The following CNTN4 variants were observed in gnomAD, a reference collection of about 807,000 sequenced individuals.
CNTN4 encodes contactin-4.
A neutral mutation model predicts 122.5 loss-of-function variants in CNTN4; 77 were observed. The ratio of observed to expected loss-of-function variants is 0.63; its 90% CI spans 0.52 to 0.76. The LOEUF is 0.76. Among genes scored for constraint, CNTN4 ranks in the 30% least tolerant of loss-of-function variants. The pLI is 0.00. For missense variants in CNTN4, 1,256 were observed against 1,259.1 expected (o/e 1.00, Z 0.04); for synonymous variants, 512 against 447.0 (o/e 1.15, Z -1.83).
chr3:2,660,541 A>C (rs1302972854), intron 4 of CNTN4, among the ~76,000 whole-genome samples: 1 of 152,210 alleles, frequency 6.6e-6, no homozygotes, highest in Non-Finnish European at 1.5e-5. Context: ...CCTGCCATTA[A>C]TTGGCATATG....
At chr3:2,751,963 C>T (rs1211099506) in intron 6 of CNTN4, among the ~76,000 whole-genome samples, 1 of 152,022 alleles carries the variant, frequency 6.6e-6, no homozygotes, top group African/African-American at 2.4e-5. Context: ...GTCTCTAGAA[C>T]TCCAGCTTCT....
chr3:2,319,617 T>C (rs141888335), intron 2 of CNTN4, among the ~76,000 whole-genome samples: 41 of 152,320 alleles, frequency 2.7e-4, no homozygotes, highest in African/African-American at 9.6e-4. Flanking sequence ...CTCTTTCTTA[T>C]GATTTTCTTA....
At chr3:2,191,840 A>G (rs965842095) in intron 2 of CNTN4, among the ~76,000 whole-genome samples, 1 of 151,934 alleles carries the variant, frequency 6.6e-6, no homozygotes. Context: ...TTAACTTGTC[A>G]TTTACATTAG....
intron 4 of CNTN4, among the ~76,000 whole-genome samples, chr3:2,642,417 C>T (rs1029999340): frequency 6.6e-6 from 1 of 152,152 alleles, no homozygotes; most frequent in Admixed American, 6.5e-5. Context: ...CACAGACATA[C>T]CCAGGAACAA....
intron 14 of CNTN4, among the ~76,000 whole-genome samples, chr3:2,994,128 T>C (rs1159300265): frequency 1.3e-5 from 2 of 152,132 alleles, no homozygotes; most frequent in Non-Finnish European, 2.9e-5. Context: ...AAAACACTTC[T>C]CTCTTCCTAA....
chr3:2,286,388 A>G (rs767407960), intron 2 of CNTN4, among the ~76,000 whole-genome samples: 26 of 151,842 alleles, frequency 1.7e-4, no homozygotes, highest in African/African-American at 4.8e-4. Flanking sequence ...AAATCAAAAT[A>G]TTGTGAAACC....
chr3:2,991,590 A>G (rs531612989), intron 14 of CNTN4, among the ~76,000 whole-genome samples: 9 of 152,250 alleles, frequency 5.9e-5, no homozygotes, highest in African/African-American at 2.2e-4. Context: ...ATTAGCATTA[A>G]TGGGAAGTAC....
At chr3:2,170,255 G>A (rs993033955) in intron 2 of CNTN4, among the ~76,000 whole-genome samples, 3 of 152,146 alleles carry the variant, frequency 2.0e-5, no homozygotes, top group Non-Finnish European at 4.4e-5. Flanking sequence ...GGGAGGCGGA[G>A]CTTGCAGTGA....
Position 2,140,406 on chromosome 3 carries a change from C to G in CNTN4, c.-145+39767C>G, listed in dbSNP as rs556063134. On this transcript the variant is annotated intron_variant, in intron 2 of 24. Transcript: ENST00000418658. Reference sequence around the variant, plus strand: ...TAACAAGTTACCATTTTCTGGGTAGCTCCTAAACAACAGAAATTTATTTCT... The same window carrying G: ...TAACAAGTTACCATTTTCTGGGTAGGTCCTAAACAACAGAAATTTATTTCT... Among the ~76,000 whole-genome samples, 14 of 152,286 alleles carry G rather than the reference C, an allele frequency of 9.2e-5. No homozygotes were observed. In the South Asian group the frequency reaches 2.9e-3, roughly 32 times the overall value.
chr3:2,820,453 G>A (rs1020958348), intron 7 of CNTN4, among the ~76,000 whole-genome samples: 1 of 152,126 alleles, frequency 6.6e-6, no homozygotes, highest in Non-Finnish European at 1.5e-5. Flanking sequence ...CTCTCCAAAC[G>A]CTGTCATTTA....
intron 2 of CNTN4, among the ~76,000 whole-genome samples, chr3:2,257,788 G>A (rs2040660417): frequency 6.6e-6 from 1 of 152,158 alleles, no homozygotes; most frequent in Non-Finnish European, 1.5e-5. Context: ...AATAGGCCGT[G>A]CATGGTGGCT....
At chr3:2,106,772 C>T (rs2032484664) in intron 2 of CNTN4, among the ~76,000 whole-genome samples, 1 of 152,218 alleles carries the variant, frequency 6.6e-6, no homozygotes, top group African/African-American at 2.4e-5. Context: ...TTGAATTTCT[C>T]CCCAGAAAAT....
chr3:2,383,872 C>G (rs1228057121), intron 3 of CNTN4, among the ~76,000 whole-genome samples: 1 of 151,860 alleles, frequency 6.6e-6, no homozygotes, highest in Non-Finnish European at 1.5e-5. Context: ...ACAGTTACTC[C>G]TTGACTTGTG....
chr3:2,482,641 G>T (rs571118331), intron 3 of CNTN4, among the ~76,000 whole-genome samples: 1 of 152,254 alleles, frequency 6.6e-6, no homozygotes, highest in African/African-American at 2.4e-5. Flanking sequence ...CCTGCTTTAT[G>T]CAGCTTAGGG....
chr3:2,711,338 G>A (rs1472559429), intron 4 of CNTN4, among the ~76,000 whole-genome samples: 1 of 152,150 alleles, frequency 6.6e-6, no homozygotes, highest in Non-Finnish European at 1.5e-5. Context: ...TGGGAATGCT[G>A]GAGTGTTACA....
Position 2,709,812 on chromosome 3 carries a change from G to A in CNTN4, c.56-26403G>A, listed in dbSNP as rs546333215. Among the ~76,000 whole-genome samples the A allele has an allele frequency of 6.6e-6, 1 of 152,150 alleles. No individual in the cohort carries two copies. Among genetic ancestry groups the A allele is most frequent in the African/African-American group, 2.4e-5 (1 of 41,516 alleles). ...ACCTGTAGTCCCAGCTACTTGGGAGGCTGAGCCAGGAGAGCCCGGGAGTCC... is the reference window on the plus strand; with the variant it reads ...ACCTGTAGTCCCAGCTACTTGGGAGACTGAGCCAGGAGAGCCCGGGAGTCC... On this transcript the variant is annotated intron_variant, in intron 4 of 24. Transcript: ENST00000418658. The surrounding 1 kb of genome is among the most constrained non-coding windows in gnomAD (Gnocchi z 5.0).
chr3:2,757,213 G>T (rs558432721), intron 6 of CNTN4, among the ~76,000 whole-genome samples: 1 of 152,182 alleles, frequency 6.6e-6, no homozygotes, highest in South Asian at 2.1e-4. Context: ...TAATGAAATG[G>T]GGACTGCAAA....
chr3:2,724,915 G>C (rs750039195), intron 4 of CNTN4, among the ~76,000 whole-genome samples: 9 of 151,970 alleles, frequency 5.9e-5, no homozygotes, highest in Non-Finnish European at 1.0e-4. Flanking sequence ...GGGAGCGTTG[G>C]AGAGATAGCT....
intron 6 of CNTN4, among the ~76,000 whole-genome samples, chr3:2,806,431 C>G (rs966377179): frequency 1.3e-5 from 2 of 152,188 alleles, no homozygotes; most frequent in Admixed American, 6.5e-5. Flanking sequence ...TCAGGCCGCA[C>G]AAAGGATGGT....
Sources: allele counts gnomAD v4.1 joint callset (sites outside exome capture counted in the v4.1 genomes callset), GRCh38; gene constraint gnomAD v4.1.1; non-coding constraint Gnocchi (gnomAD v3.1); transcripts MANE v1.5; gene names NCBI Gene and HGNC (gene_info 2026-07-23, HGNC 2026-07-21).